L3MBTL4: variants seen among roughly 807,000 people sequenced by gnomAD.
The protein encoded by L3MBTL4 is lethal(3)malignant brain tumor-like protein 4.
Under a neutral mutation model 84.5 loss-of-function variants are expected in L3MBTL4, and 70 were observed. The observed-to-expected ratio is 0.83, with a 90% CI of 0.68 to 1.01. L3MBTL4 has a LOEUF of 1.01. Among genes scored for constraint, L3MBTL4 ranks in the 50% least tolerant of loss-of-function variants. The pLI, the probability that L3MBTL4 is intolerant of heterozygous loss-of-function variation, is 0.00. For synonymous variants in L3MBTL4, 274 were observed against 259.8 expected, an observed-to-expected ratio of 1.05 and a Z score of -0.52; for missense variants, 715 against 754.8, an observed-to-expected ratio of 0.95 and a Z score of 0.62.
At chr18:6,177,907 A>G (rs1568263117) in intron 12 of L3MBTL4, among the ~76,000 whole-genome samples, 1 of 152,234 alleles carries the variant, frequency 6.6e-6, no homozygotes, top group Non-Finnish European at 1.5e-5. Flanking sequence ...ACTAATTTCA[A>G]TGCCCTTCCC....
chr18:6,170,718 A>G (rs1302542232), intron 13 of L3MBTL4, among the ~76,000 whole-genome samples: 2 of 152,094 alleles, frequency 1.3e-5, no homozygotes, highest in African/African-American at 4.8e-5. Flanking sequence ...TGGCTGAGGC[A>G]TGGATGTACA....
rs142933877 is a variant in L3MBTL4 at position 6,266,108 on chromosome 18, A to C, written c.128-2070T>G. On this transcript the variant is annotated intron_variant, in intron 4 of 18. Transcript: ENST00000317931. ...ATTTCTCATTTAAAAATAAAAAAAC[A>C]TACATACATATATATTATACAAGTT... Among the ~76,000 whole-genome samples the C allele has an allele frequency of 5.9e-5, 9 of 152,342 alleles. No homozygotes were observed. In the East Asian group the frequency reaches 1.7e-3, roughly 29 times the overall value.
At position 6,005,046 on chromosome 18, in the gene L3MBTL4, C is replaced by T. The variant is rs1008703742; in HGVS notation, c.1445-35484G>A. On this transcript the variant is annotated intron_variant, in intron 16 of 18. Transcript: ENST00000317931. ...TTTTTTTACTTTTAGTTCAGGAGTA[C>T]GTGTGTGGGTTTGTCAGCTGGGCAC... Among the ~76,000 whole-genome samples the T allele has an allele frequency of 6.4e-4, 61 of 95,096 alleles. 1 individual carries two copies. The highest frequency in any genetic ancestry group is 2.2e-3 in the African/African-American group (56 of 25,492). 62.4% of individuals were successfully genotyped at this position (95,096 alleles called of 152,430 possible). A position where few individuals can be genotyped will look rare whatever the true frequency, so the allele number is the denominator to read the frequency against.
intron 14 of L3MBTL4, among the ~76,000 whole-genome samples, chr18:6,108,201 G>C (rs556974354): frequency 6.6e-6 from 1 of 152,102 alleles, no homozygotes; most frequent in Non-Finnish European, 1.5e-5. Flanking sequence ...ATAAATGGTC[G>C]AGCACATATG....
chr18:6,314,379 C>T (rs1228470219), intron 1 of L3MBTL4, among the ~76,000 whole-genome samples: 1 of 152,060 alleles, frequency 6.6e-6, no homozygotes, highest in Admixed American at 6.6e-5. Context: ...TAAAACACAT[C>T]AAAGAAACAC....
intron 7 of L3MBTL4, 133 bp from the exon 8 acceptor site, chr18:6,241,582 C>A (rs1014493855): frequency 3.6e-6 from 2 of 551,716 alleles, no homozygotes; most frequent in Non-Finnish European, 6.4e-6. Flanking sequence ...ATTACTTTTG[C>A]ACCAACCTCA....
intron 16 of L3MBTL4, among the ~76,000 whole-genome samples, chr18:5,980,291 T>C (rs542113922): frequency 1.4e-4 from 21 of 152,170 alleles, no homozygotes; most frequent in Non-Finnish European, 2.5e-4. Context: ...TAAGGCCACG[T>C]GTCATCCCAC....
chr18:6,123,930 T>C (rs2059606924), intron 14 of L3MBTL4, among the ~76,000 whole-genome samples: 2 of 151,982 alleles, frequency 1.3e-5, no homozygotes, highest in Non-Finnish European at 2.9e-5. Flanking sequence ...GATCAACGAG[T>C]GTGTGAACTC....
chr18:6,367,957 A>G (rs1034408384), intron 1 of L3MBTL4, among the ~76,000 whole-genome samples: 3 of 152,182 alleles, frequency 2.0e-5, no homozygotes, highest in Non-Finnish European at 4.4e-5. Flanking sequence ...CTCGTGAAAC[A>G]TGAATTCAAA....
chr18:6,181,228 T>A (rs1401280506), intron 12 of L3MBTL4, among the ~76,000 whole-genome samples: 1 of 151,894 alleles, frequency 6.6e-6, no homozygotes, highest in African/African-American at 2.4e-5. Flanking sequence ...CAAATACAGG[T>A]TTTTTATACA....
intron 16 of L3MBTL4, among the ~76,000 whole-genome samples, chr18:6,078,709 C>G (rs2057958506): frequency 6.6e-6 from 1 of 152,030 alleles, no homozygotes; most frequent in Non-Finnish European, 1.5e-5. Flanking sequence ...TTCCACAGAC[C>G]AGGGGTGGGG....
At chr18:6,029,813 C>T (rs1409996212) in intron 16 of L3MBTL4, 4 of 985,192 alleles carry the variant, frequency 4.1e-6, no homozygotes, top group Non-Finnish European at 4.8e-6. Flanking sequence ...GAAAAATGAA[C>T]GAGTAAGGGT....
intron 4 of L3MBTL4, among the ~76,000 whole-genome samples, chr18:6,297,908 C>A (rs1313839028): frequency 6.6e-6 from 1 of 152,190 alleles, no homozygotes; most frequent in Non-Finnish European, 1.5e-5. Context: ...TACTTGTCTA[C>A]ACACAATGTT....
At chr18:6,275,165 G>A (rs1476311305) in intron 4 of L3MBTL4, among the ~76,000 whole-genome samples, 1 of 152,130 alleles carries the variant, frequency 6.6e-6, no homozygotes, top group Non-Finnish European at 1.5e-5. Flanking sequence ...GGGAGTGTGT[G>A]TAGCATGGGG....
intron 4 of L3MBTL4, among the ~76,000 whole-genome samples, chr18:6,284,827 T>C (rs1274281851): frequency 6.6e-6 from 1 of 152,198 alleles, no homozygotes; most frequent in Non-Finnish European, 1.5e-5. Context: ...TCGAGCCCGC[T>C]GGAGGAGCCC....
intron 4 of L3MBTL4, among the ~76,000 whole-genome samples, chr18:6,296,599 T>C (rs747211780): frequency 2.0e-5 from 3 of 152,158 alleles, no homozygotes; most frequent in Non-Finnish European, 4.4e-5. Flanking sequence ...AGACAGTAAG[T>C]TCTAGACTGC....
chr18:6,071,812 A>AG (rs1425954253), intron 16 of L3MBTL4, among the ~76,000 whole-genome samples: 6 of 129,574 alleles, frequency 4.6e-5, no homozygotes, highest in African/African-American at 2.4e-4. Context: ...AAAAAGAAAG[A>AG]AAGGAAAGAA....
At chr18:6,387,468 T>C (rs1378099533) in intron 1 of L3MBTL4, among the ~76,000 whole-genome samples, 2 of 152,182 alleles carry the variant, frequency 1.3e-5, no homozygotes, top group Admixed American at 1.3e-4. Flanking sequence ...TGCCTAAATA[T>C]CTACACAAAA....
chr18:6,339,879 T>C (rs1165999244), intron 1 of L3MBTL4, among the ~76,000 whole-genome samples: 1 of 152,012 alleles, frequency 6.6e-6, no homozygotes, highest in East Asian at 1.9e-4. Context: ...ATCAAGAAAA[T>C]GTTAAAAATC....
Sources: gnomAD v4.1 joint callset for allele counts (sites outside exome capture counted in the v4.1 genomes callset) on GRCh38, gnomAD v4.1.1 for gene constraint, MANE v1.5 for transcripts, NCBI Gene and HGNC (gene_info 2026-07-23, HGNC 2026-07-21) for gene names.